Variants in ALG11 observed in about 807,000 individuals in gnomAD.
The protein encoded by ALG11 is GDP-Man:Man(3)GlcNAc(2)-PP-Dol alpha-1,2-mannosyltransferase.
A neutral mutation model predicts 38.8 loss-of-function variants in ALG11; 26 were observed. That is an observed-to-expected ratio of 0.67 (90% confidence interval 0.49 to 0.93). ALG11 has a LOEUF of 0.93. ALG11 is among the 40% of genes least tolerant of loss of function. The pLI is 0.00. For missense variants in ALG11, 535 were observed against 578.8 expected (o/e 0.92, Z 0.78); for synonymous variants, 199 against 211.6 (o/e 0.94, Z 0.52).
chr13:52,028,705 C>G lies in ALG11; in HGVS notation c.*115C>G. 6.3e-7 allele frequency: 1 copy of G among 1,577,892 alleles called. No individual in the cohort carries two copies. Among genetic ancestry groups the G allele is most frequent in the Non-Finnish European group, 8.7e-7 (1 of 1,155,868 alleles). ...AAATCATTTTACTTTAGAAAACAGA[C>G]AAAATTTCCTTTTAGAATAAAAGGA... On this transcript the variant is annotated 3_prime_UTR_variant, in exon 4 of 4. Transcript: ENST00000521508.
rs1954269236 is a variant in ALG11, at chr13:52,028,940, C to A, written c.*350C>A. The A allele has an allele frequency of 2.5e-6, 4 of 1,614,080 alleles. No homozygotes were observed. The highest frequency in any genetic ancestry group is 1.3e-5 in the African/African-American group (1 of 74,924). On this transcript the variant is annotated 3_prime_UTR_variant, in exon 4 of 4. Coordinates refer to ENST00000521508, the MANE Select transcript of ALG11 (RefSeq NM_001004127.3). ...TGGAGAGAGAAAGCATCAAAAGCTT[C>A]TGGAAGCAATCATTTCCCTTGATGG... is the stretch of plus-strand genomic sequence containing the variant.
intron 2 of ALG11, chr13:52,023,539 C>T (rs1258350961): frequency 6.7e-6 from 1 of 149,320 alleles, no homozygotes; most frequent in East Asian, 2.0e-4. Flanking sequence ...CAGAGATTGT[C>T]AGCCAAGATG....
At chr13:52,012,510 G>A (rs1954079736) in intron 1 of ALG11, 48 bp downstream of exon 1, 2 of 1,613,544 alleles carry the variant, frequency 1.2e-6, no homozygotes, top group African/African-American at 1.3e-5. Context: ...CTTCTGTAGG[G>A]GTACTTGCCC....
rs1246112102 is a variant in ALG11 at position 52,030,536 on chromosome 13, A to G, written c.*1946A>G. On this transcript the variant is annotated 3_prime_UTR_variant, in exon 4 of 4. Coordinates refer to ENST00000521508, the MANE Select transcript of ALG11 (RefSeq NM_001004127.3). ...CGTGAGGTCTTTGGCAGTTCCCACA[A>G]TAATAGAGGAGCTGGAAGATGAAGA... 3.7e-6 allele frequency: 6 copies of G among 1,614,064 alleles called. No individual in the cohort carries two copies. Among genetic ancestry groups the G allele is most frequent in the African/African-American group, 1.3e-5 (1 of 74,924 alleles).
At chr13:52,028,298 G>T (rs1230744532) in intron 3 of ALG11, 21 bp from the exon 4 acceptor site, 1 of 1,613,890 alleles carries the variant, frequency 6.2e-7, no homozygotes, top group Non-Finnish European at 8.5e-7. Context: ...AAGATTACAT[G>T]ATTTGTGTTT....
At chr13:52,014,568 T>G (rs1954118501) in intron 1 of ALG11, among the ~76,000 whole-genome samples, 1 of 151,742 alleles carries the variant, frequency 6.6e-6, no homozygotes. Flanking sequence ...AGAGTCTTGC[T>G]CTGTTGCCCA....
Position 52,024,271 on chromosome 13 carries a change from A to G in ALG11, c.541A>G (p.Thr181Ala), listed in dbSNP as rs991685382. 1.2e-6 allele frequency: 2 copies of G among 1,614,026 alleles called. No homozygotes were observed. The highest frequency in any genetic ancestry group is 2.7e-5 in the African/African-American group (2 of 74,920). Residue 181 changes from threonine to alanine, a missense_variant, in exon 3 of 4, where the codon ACG becomes GCG. By Grantham distance (58) the Thr-to-Ala change is moderately conservative (BLOSUM62 0). Transcript: ENST00000521508. ...VYIDSMGYAF[T>A]LPLFKYIGGC... Reference sequence around the variant, plus strand: ...CATTGATTCAATGGGATACGCTTTTACGCTTCCTCTGTTTAAGTATATAGG... The same window carrying G: ...CATTGATTCAATGGGATACGCTTTTGCGCTTCCTCTGTTTAAGTATATAGG...
At position 52,028,321 on chromosome 13, in the gene ALG11, G is replaced by T. The variant is rs750780094; in HGVS notation, c.1210G>T (p.Val404Phe). The T allele has an allele frequency of 1.9e-6, 3 of 1,614,030 alleles. No individual in the cohort carries two copies. Among genetic ancestry groups the T allele is most frequent in the Non-Finnish European group, 2.5e-6 (3 of 1,180,014 alleles). ...ATGATTTGTGTTTTTTTTCTCAGGAGTTGTGGAGTGTATGGCAGCTGGCAC... is the reference window on the plus strand; with the variant it reads ...ATGATTTGTGTTTTTTTTCTCAGGATTTGTGGAGTGTATGGCAGCTGGCAC... ...TMWNEHFGIG[V>F]VECMAAGTII... The change falls in exon 4 of 4, where the codon GTT becomes TTT. Residue 404 changes from valine (V) to phenylalanine (F), a missense_variant and splice_region_variant. Transcript: ENST00000521508.
At chr13:52,019,665 G>A (rs1052126390) in intron 2 of ALG11, among the ~76,000 whole-genome samples, 8 of 152,142 alleles carry the variant, frequency 5.3e-5, no homozygotes, top group Non-Finnish European at 1.5e-5. Flanking sequence ...ACAAACCCAG[G>A]CATGGTGGCT....
At position 52,030,337 on chromosome 13, in the gene ALG11, G is replaced by C; in HGVS notation, c.*1747G>C. ...CAGAGAGAGTACAAACTCTGGAAGA[G>C]CTAGAAGAGCTGGGAAAAGAAGATT... is the stretch of plus-strand genomic sequence containing the variant. On this transcript the variant is annotated 3_prime_UTR_variant, in exon 4 of 4. Transcript: ENST00000521508. 1.2e-6 allele frequency: 2 copies of C among 1,614,224 alleles called. No homozygotes were observed. The highest frequency in any genetic ancestry group is 1.7e-6 in the Non-Finnish European group (2 of 1,180,042).
At chr13:52,018,562 C>T (rs1334019425) in intron 1 of ALG11, among the ~76,000 whole-genome samples, 1 of 152,098 alleles carries the variant, frequency 6.6e-6, no homozygotes, top group African/African-American at 2.4e-5. Context: ...CAGTATATAA[C>T]ACATTCTTAA....
Position 52,030,481 on chromosome 13 carries a change from A to G in ALG11, c.*1891A>G. ...AAGAGAAGGAGCAACTGATCAACCT[A>G]CAGAACTTCCTGACCACACAGTCTC... is the stretch of plus-strand genomic sequence containing the variant. On this transcript the variant is annotated 3_prime_UTR_variant, in exon 4 of 4. Coordinates refer to ENST00000521508, the MANE Select transcript of ALG11 (RefSeq NM_001004127.3). 3.7e-6 allele frequency: 6 copies of G among 1,614,242 alleles called. No homozygotes were observed. The highest frequency in any genetic ancestry group is 1.1e-5 in the South Asian group (1 of 91,088).
chr13:52,014,994 A>C (rs1954123158), intron 1 of ALG11, among the ~76,000 whole-genome samples: 1 of 152,224 alleles, frequency 6.6e-6, no homozygotes, highest in African/African-American at 2.4e-5. Context: ...ATACCTCTTC[A>C]AGTACACAGT....
rs146487429 is a variant in ALG11 at position 52,029,874 on chromosome 13, C to A, written c.*1284C>A. 71 of 1,614,160 alleles carry A rather than the reference C, an allele frequency of 4.4e-5. No homozygotes were observed. The African/African-American group carries it at 6.8e-4, about 15-fold the overall frequency. On this transcript the variant is annotated 3_prime_UTR_variant, in exon 4 of 4. Coordinates refer to ENST00000521508, the MANE Select transcript of ALG11 (RefSeq NM_001004127.3). ...ACAGAAGTGGAAGAACTCCTTGTCCCTCATGTAGCGAATGAAGTGCAGATG... is the reference window on the plus strand; with the variant it reads ...ACAGAAGTGGAAGAACTCCTTGTCCATCATGTAGCGAATGAAGTGCAGATG...
intron 3 of ALG11, among the ~76,000 whole-genome samples, chr13:52,026,172 C>T (rs932084596): frequency 2.0e-5 from 3 of 152,174 alleles, no homozygotes; most frequent in African/African-American, 7.2e-5. Flanking sequence ...CAGACTTGTG[C>T]GGGCAGGGAA....
intron 2 of ALG11, among the ~76,000 whole-genome samples, chr13:52,019,793 C>T (rs1437748310): frequency 6.6e-6 from 1 of 151,998 alleles, no homozygotes; most frequent in Non-Finnish European, 1.5e-5. Context: ...ATTATCTGGG[C>T]ATGGTGATGC....
At chr13:52,027,142 G>A (rs1954249079) in intron 3 of ALG11, among the ~76,000 whole-genome samples, 1 of 152,168 alleles carries the variant, frequency 6.6e-6, no homozygotes, top group Non-Finnish European at 1.5e-5. Context: ...GGGAGAAGTA[G>A]AAGCAAAAGT....
At position 52,030,465 on chromosome 13, in the gene ALG11, A is replaced by G; in HGVS notation, c.*1875A>G. ...GCCCCTAAGGAGAAGAAAGAGAAGG[A>G]GCAACTGATCAACCTACAGAACTTC... On this transcript the variant is annotated 3_prime_UTR_variant, in exon 4 of 4. Coordinates refer to ENST00000521508, the MANE Select transcript of ALG11 (RefSeq NM_001004127.3). 5 of 1,614,240 alleles carry G rather than the reference A, an allele frequency of 3.1e-6. No individual in the cohort carries two copies. The highest frequency in any genetic ancestry group is 4.2e-6 in the Non-Finnish European group (5 of 1,180,048).
chr13:52,025,911 A>G (rs1158595455), intron 3 of ALG11, among the ~76,000 whole-genome samples: 1 of 152,130 alleles, frequency 6.6e-6, no homozygotes, highest in Non-Finnish European at 1.5e-5. Context: ...TGTTGACCCA[A>G]CCTGTTGCAT....
Sources: gnomAD v4.1 joint callset for allele counts (sites outside exome capture counted in the v4.1 genomes callset) on GRCh38, gnomAD v4.1.1 for gene constraint, MANE v1.5 for transcripts, NCBI Gene and HGNC (gene_info 2026-07-23, HGNC 2026-07-21) for gene names.